The following RIMS1 variants were observed in gnomAD, a reference collection of about 807,000 sequenced individuals.
RIMS1 encodes the protein regulating synaptic membrane exocytosis protein 1.
Under a neutral mutation model 214.1 loss-of-function variants are expected in RIMS1, and 83 were observed. The observed-to-expected ratio is 0.39, with a 90% CI of 0.32 to 0.47. The LOEUF is 0.47. RIMS1 is among the 20% of genes least tolerant of loss of function. The pLI is 0.99. For synonymous variants in RIMS1, 793 were observed against 786.8 expected, an observed-to-expected ratio of 1.01 and a Z score of -0.13; for missense variants, 2,050 against 2,161.8, an observed-to-expected ratio of 0.95 and a Z score of 1.03.
At chr6:72,325,366 T>A (rs1056425657) in intron 28 of RIMS1, among the ~76,000 whole-genome samples, 3 of 151,544 alleles carry the variant, frequency 2.0e-5, no homozygotes, top group Non-Finnish European at 3.0e-5. Context: ...TATAAAATAT[T>A]TCTCTTCATG....
chr6:72,090,521 A>G (rs775328788), intron 2 of RIMS1, among the ~76,000 whole-genome samples: 2 of 152,138 alleles, frequency 1.3e-5, no homozygotes, highest in Admixed American at 1.3e-4. Flanking sequence ...AAAAAAAAAA[A>G]TAGTGACCCT....
intron 1 of RIMS1, among the ~76,000 whole-genome samples, chr6:71,910,981 C>G (rs1776709847): frequency 6.6e-6 from 1 of 151,948 alleles, no homozygotes; most frequent in South Asian, 2.1e-4. Context: ...TAAAGCTGTG[C>G]CAGGGTGAAG....
chr6:71,908,258 G>A (rs368681870), intron 1 of RIMS1, among the ~76,000 whole-genome samples: 10 of 152,096 alleles, frequency 6.6e-5, no homozygotes, highest in African/African-American at 2.2e-4. Flanking sequence ...TCTCATTACA[G>A]GAGACAGAAA....
intron 4 of RIMS1, among the ~76,000 whole-genome samples, chr6:72,113,724 A>T (rs994940832): frequency 9.9e-5 from 15 of 152,118 alleles, no homozygotes; most frequent in Admixed American, 9.8e-4. Flanking sequence ...AATATTTGCA[A>T]CTGTAACTGG....
intron 2 of RIMS1, among the ~76,000 whole-genome samples, chr6:72,058,275 G>C (rs540751998): frequency 2.0e-4 from 31 of 152,330 alleles, no homozygotes; most frequent in Middle Eastern, 3.4e-3. Flanking sequence ...TAGCCTCAGA[G>C]AGGTTCTGTA....
intron 4 of RIMS1, among the ~76,000 whole-genome samples, chr6:72,144,185 T>C (rs926522597): frequency 2.0e-5 from 3 of 152,236 alleles, no homozygotes; most frequent in African/African-American, 4.8e-5. Flanking sequence ...TTCAAGCAGT[T>C]GGCCATTAAC....
At chr6:72,004,857 A>C (rs962373188) in intron 2 of RIMS1, among the ~76,000 whole-genome samples, 6 of 151,918 alleles carry the variant, frequency 3.9e-5, no homozygotes, top group African/African-American at 1.4e-4. Flanking sequence ...TTTGCTGTGC[A>C]GAAGCTCTTT....
chr6:72,064,139 G>A (rs1281666789), intron 2 of RIMS1, among the ~76,000 whole-genome samples: 4 of 152,236 alleles, frequency 2.6e-5, no homozygotes, highest in Non-Finnish European at 2.9e-5. Context: ...CCAACATGGC[G>A]AAACTCCGTC....
intron 2 of RIMS1, among the ~76,000 whole-genome samples, chr6:72,089,685 C>G (rs1835641555): frequency 6.6e-6 from 1 of 151,034 alleles, no homozygotes. Context: ...ACCCAAATGA[C>G]TATAAATCAT....
chr6:72,227,087 A>G (rs566571997), intron 6 of RIMS1, among the ~76,000 whole-genome samples: 2 of 152,142 alleles, frequency 1.3e-5, no homozygotes, highest in Non-Finnish European at 2.9e-5. Context: ...CGGAGTACAA[A>G]GTTCTTTTTA....
At chr6:72,195,069 G>A (rs527297582) in intron 6 of RIMS1, among the ~76,000 whole-genome samples, 2 of 152,244 alleles carry the variant, frequency 1.3e-5, no homozygotes, top group South Asian at 4.1e-4. Flanking sequence ...ATTGAGTAAA[G>A]AGGCCTAAGA....
chr6:72,245,153 G>A (rs1281211522), intron 10 of RIMS1, among the ~76,000 whole-genome samples: 1 of 151,728 alleles, frequency 6.6e-6, no homozygotes, highest in Non-Finnish European at 1.5e-5. Flanking sequence ...GCAGGAATGG[G>A]TGGTCTCACA....
intron 4 of RIMS1, among the ~76,000 whole-genome samples, chr6:72,125,191 T>A (rs2039252585): frequency 6.6e-6 from 1 of 151,836 alleles, no homozygotes; most frequent in African/African-American, 2.4e-5. Context: ...TGTTGCTATT[T>A]ATGCTATTCC....
chr6:72,082,217 C>G (rs1301711432), intron 2 of RIMS1, among the ~76,000 whole-genome samples: 1 of 152,108 alleles, frequency 6.6e-6, no homozygotes, highest in Non-Finnish European at 1.5e-5. Context: ...AGTTCTAGAT[C>G]CTATTTATGT....
At chr6:72,149,657 T>C (rs770904649) in intron 4 of RIMS1, among the ~76,000 whole-genome samples, 1 of 152,168 alleles carries the variant, frequency 6.6e-6, no homozygotes, top group Non-Finnish European at 1.5e-5. Context: ...ACAAAAAGTC[T>C]TGGGAAAAAA....
intron 9 of RIMS1, among the ~76,000 whole-genome samples, chr6:72,240,082 GTTTC>G (rs1032323476): frequency 2.0e-5 from 3 of 152,046 alleles, no homozygotes; most frequent in African/African-American, 4.8e-5. Context: ...TATTAGAGTT[GTTTC>G]TTTATCATTT....
intron 4 of RIMS1, among the ~76,000 whole-genome samples, chr6:72,165,051 A>G (rs946413036): frequency 6.6e-5 from 10 of 152,212 alleles, no homozygotes. Flanking sequence ...CTTCTGCTCC[A>G]TACTCTATAT....
At chr6:72,137,419 TTTAA>T (rs747816120) in intron 4 of RIMS1, among the ~76,000 whole-genome samples, 2 of 151,994 alleles carry the variant, frequency 1.3e-5, no homozygotes, top group Non-Finnish European at 2.9e-5. Context: ...GTATTATTAA[TTTAA>T]TTATTTGTAT....
At chr6:72,301,933 A>G (rs1244398082) in intron 26 of RIMS1, among the ~76,000 whole-genome samples, 1 of 151,624 alleles carries the variant, frequency 6.6e-6, no homozygotes, top group Non-Finnish European at 1.5e-5. Flanking sequence ...AGTCAATTGG[A>G]AAATTTTAAA....
Sources: allele counts gnomAD v4.1 joint callset (sites outside exome capture counted in the v4.1 genomes callset), GRCh38; gene constraint gnomAD v4.1.1; transcripts MANE v1.5; gene names NCBI Gene and HGNC (gene_info 2026-07-23, HGNC 2026-07-21).